CLTC: variants seen among roughly 807,000 people sequenced by gnomAD.
The protein encoded by CLTC is clathrin heavy chain 1.
Under a neutral mutation model 195.8 loss-of-function variants are expected in CLTC, and 16 were observed. That is an observed-to-expected ratio of 0.08 (90% CI 0.06 to 0.12). The LOEUF (loss-of-function observed/expected upper bound fraction) is 0.12, where lower values mean the gene tolerates loss of function less well. CLTC is among the 10% of genes least tolerant of loss of function. The pLI is 1.00. For missense variants in CLTC, 796 were observed against 2,027.0 expected (o/e 0.39, Z 11.66); for synonymous variants, 667 against 689.4 (o/e 0.97, Z 0.51).
Position 59,681,061 on chromosome 17 carries a change from T to G in CLTC, c.3065+4T>G. The G allele has an allele frequency of 6.2e-7, 1 of 1,613,644 alleles. No individual in the cohort carries two copies. Among genetic ancestry groups the G allele is most frequent in the Non-Finnish European group, 8.5e-7 (1 of 1,179,742 alleles). ...ACTCTGTATTCAGTGAACACAGGTA[T>G]GCTTTCAGAGGGATCCATTGGCTAT... On this transcript the variant is annotated splice_donor_region_variant and intron_variant, in intron 19 of 31. Coordinates refer to ENST00000269122, the MANE Select transcript of CLTC (RefSeq NM_004859.4). This position sits in a 1 kb window ranked among gnomAD's most constrained non-coding sequence, Gnocchi z 5.0.
chr17:59,628,474 C>G (rs1339546000), intron 1 of CLTC, among the ~76,000 whole-genome samples: 1 of 152,100 alleles, frequency 6.6e-6, no homozygotes, highest in Non-Finnish European at 1.5e-5. Flanking sequence ...AATATATGTG[C>G]CGTACTAAAG....
At chr17:59,641,767 G>A (rs1228917697) in intron 1 of CLTC, among the ~76,000 whole-genome samples, 1 of 152,074 alleles carries the variant, frequency 6.6e-6, no homozygotes, top group Non-Finnish European at 1.5e-5. Context: ...GGTAGCATAT[G>A]TTTAATGAGA....
chr17:59,672,547 G>C (rs2032873345), intron 14 of CLTC, among the ~76,000 whole-genome samples: 1 of 152,128 alleles, frequency 6.6e-6, no homozygotes, highest in Non-Finnish European at 1.5e-5. Flanking sequence ...ACAGCTATTA[G>C]TGCAGAGTTT....
chr17:59,689,327 T>C (rs2033247965), intron 30 of CLTC: 1 of 152,184 alleles, frequency 6.6e-6, no homozygotes, highest in South Asian at 2.1e-4. Flanking sequence ...ATGTGAAGAC[T>C]GAAAGATACT....
rs1350358889 is a variant in CLTC at position 59,644,498 on chromosome 17, G to T, written c.250+15G>T. The T allele has an allele frequency of 6.3e-6, 10 of 1,597,290 alleles. No individual in the cohort carries two copies. Among genetic ancestry groups the T allele is most frequent in the South Asian group, 1.1e-5 (1 of 90,226 alleles). On this transcript the variant is annotated intron_variant, in intron 2 of 31. Transcript: ENST00000269122. Reference sequence around the variant, plus strand: ...TGCACTGAAAGGTATAAAAGAATGTGGGTTTTCCTTAAAACTCTTCCTATG... The same window carrying T: ...TGCACTGAAAGGTATAAAAGAATGTTGGTTTTCCTTAAAACTCTTCCTATG...
intron 1 of CLTC, among the ~76,000 whole-genome samples, chr17:59,624,122 A>C (rs976080766): frequency 5.9e-5 from 9 of 152,184 alleles, no homozygotes; most frequent in African/African-American, 1.4e-4. Context: ...ATGTGCTGTA[A>C]ATTTGGCTAG....
intron 18 of CLTC, among the ~76,000 whole-genome samples, chr17:59,680,169 A>G (rs928043711): frequency 1.3e-5 from 2 of 152,338 alleles, no homozygotes; most frequent in African/African-American, 2.4e-5. Context: ...AAAGATTGCT[A>G]TTATTAACAC....
At chr17:59,624,154 A>G (rs77164489) in intron 1 of CLTC, among the ~76,000 whole-genome samples, 33 of 152,284 alleles carry the variant, frequency 2.2e-4, no homozygotes, top group East Asian at 5.8e-4. Flanking sequence ...TCTTCACTCA[A>G]TCCCCCCAGA....
rs902662582 is a variant in CLTC at position 59,693,946 on chromosome 17, T to G, written c.*94T>G. ...ATAATGGGGGAAAACAGGCAACGTGTTCTTGTAACCTTTATTTCATGAAGG... is the reference window on the plus strand; with the variant it reads ...ATAATGGGGGAAAACAGGCAACGTGGTCTTGTAACCTTTATTTCATGAAGG... On this transcript the variant is annotated 3_prime_UTR_variant, in exon 32 of 32. Coordinates refer to ENST00000269122, the MANE Select transcript of CLTC (RefSeq NM_004859.4). 1.5e-6 allele frequency: 2 copies of G among 1,322,592 alleles called. No homozygotes were observed. Among genetic ancestry groups the G allele is most frequent in the East Asian group, 5.3e-5 (2 of 37,464 alleles). The allele number at this position is 1,322,592 out of a possible 1,614,324, so 81.9% of individuals were successfully genotyped here. A position where few individuals can be genotyped will look rare whatever the true frequency, so the allele number is the denominator to read the frequency against.
At chr17:59,661,672 G>T in intron 8 of CLTC, 29 bp downstream of exon 8, 1 of 1,587,368 alleles carries the variant, frequency 6.3e-7, no homozygotes, top group Non-Finnish European at 8.6e-7. Context: ...ACATAATCTT[G>T]CTTTGGTTGC....
At chr17:59,639,782 A>C (rs2031975339) in intron 1 of CLTC, among the ~76,000 whole-genome samples, 2 of 145,330 alleles carry the variant, frequency 1.4e-5, no homozygotes, top group Admixed American at 7.1e-5. Flanking sequence ...AGCCTGGGTA[A>C]CATAGGGAGA....
Position 59,682,926 on chromosome 17 carries a change from A to G in CLTC, c.3785A>G (p.Asp1262Gly). The change falls in exon 24 of 32, where the codon GAT becomes GGT. Residue 1262 changes from aspartate (D) to glycine (G), a missense_variant. Coordinates refer to ENST00000269122, the MANE Select transcript of CLTC (RefSeq NM_004859.4). The surrounding 1 kb of genome is among the most constrained non-coding windows in gnomAD (Gnocchi z 6.8). ...TTCTAGGTCTGCTTCGCCTGTGTAG[A>G]TGGGAAAGAATTCCGTCTTGCTCAG... Reference protein sequence around the residue: ...TWKEVCFACVDGKEFRLAQMC... With the variant: ...TWKEVCFACVGGKEFRLAQMC... 1.9e-6 allele frequency: 3 copies of G among 1,614,060 alleles called. No homozygotes were observed. Among genetic ancestry groups the G allele is most frequent in the Non-Finnish European group, 2.5e-6 (3 of 1,179,976 alleles).
rs2032258508 is a variant in CLTC at position 59,648,793 on chromosome 17, T to C, written c.681+392T>C. ...TCACTGCAGCCTCGACCTTCTGGGC[T>C]CAAGTGATCCCTCTGTCTCAGCCTC... On this transcript the variant is annotated intron_variant, in intron 4 of 31. Coordinates refer to ENST00000269122, the MANE Select transcript of CLTC (RefSeq NM_004859.4). The surrounding 1 kb of genome is among the most constrained non-coding windows in gnomAD (Gnocchi z 4.5). 1 of 160,036 alleles carries C rather than the reference T, an allele frequency of 6.2e-6. No homozygotes were observed. The highest frequency in any genetic ancestry group is 6.2e-5 in the Admixed American group (1 of 16,236). 9.9% of individuals were successfully genotyped at this position (160,036 alleles called of 1,614,324 possible).
rs1390248582 is a variant in CLTC at position 59,660,548 on chromosome 17, A to C, written c.1127A>C (p.Asn376Thr). Residue 376 changes from asparagine (N) to threonine (T), a missense_variant, in exon 7 of 32, where the codon AAT (asparagine) becomes ACT (threonine). Around this residue, in one of 9 missense-constraint regions of CLTC, gnomAD observed 293 missense variants for 795.6 expected, o/e 0.37. Coordinates refer to ENST00000269122, the MANE Select transcript of CLTC (RefSeq NM_004859.4). ...RKFNALFAQGNYSEAAKVAAN... is the reference protein window; with the variant it reads ...RKFNALFAQGTYSEAAKVAAN... ...TTTAATGCTCTTTTTGCCCAGGGAA[A>C]TTACTCGGAGGCAGCAAAGGTGGCT... 3 of 1,614,174 alleles carry C rather than the reference A, an allele frequency of 1.9e-6. No individual in the cohort carries two copies. In the Admixed American group the frequency reaches 5.0e-5, roughly 27 times the overall value.
intron 1 of CLTC, among the ~76,000 whole-genome samples, chr17:59,636,942 T>C (rs972209371): frequency 7.4e-5 from 11 of 148,726 alleles, no homozygotes; most frequent in African/African-American, 2.7e-4. Context: ...CTTTTTTTTT[T>C]TTTTTTTTTT....
At chr17:59,634,729 T>A (rs1410754866) in intron 1 of CLTC, among the ~76,000 whole-genome samples, 1 of 152,226 alleles carries the variant, frequency 6.6e-6, no homozygotes, top group East Asian at 1.9e-4. Context: ...CATTTTTATT[T>A]GTTGCTTGAA....
At chr17:59,676,308 C>G (rs1383220399) in intron 16 of CLTC, among the ~76,000 whole-genome samples, 1 of 152,192 alleles carries the variant, frequency 6.6e-6, no homozygotes, top group Non-Finnish European at 1.5e-5. Context: ...CTATTAAACC[C>G]AGAGCTTCTA....
At position 59,681,615 on chromosome 17, in the gene CLTC, C is replaced by T. The variant is rs1223622047; in HGVS notation, c.3250-32C>T. 10 of 1,592,010 alleles carry T rather than the reference C, an allele frequency of 6.3e-6. No homozygotes were observed. The highest frequency in any genetic ancestry group is 8.6e-6 in the Non-Finnish European group (10 of 1,165,612). ...ATTGCTTTGGGTAGGATTGATTTTA[C>T]TCTAACCCTAATTTCAAACTTGGAT... On this transcript the variant is annotated intron_variant, in intron 20 of 31. Transcript: ENST00000269122. This position sits in a 1 kb window ranked among gnomAD's most constrained non-coding sequence, Gnocchi z 5.0.
rs552058632 is a variant in CLTC, at chr17:59,692,050, G to A, written c.4903+1339G>A. On this transcript the variant is annotated intron_variant, in intron 31 of 31. Transcript: ENST00000269122. ...CTGGTTTCTGTTGGCTGGGTGCAGT[G>A]GCTCACGCCTGTAATCCCAGCACTT... Among the ~76,000 whole-genome samples, 6 of 152,292 alleles carry A rather than the reference G, an allele frequency of 3.9e-5. No homozygotes were observed. The South Asian group carries it at 1.0e-3, about 26-fold the overall frequency.
Sources: allele counts gnomAD v4.1 joint callset (sites outside exome capture counted in the v4.1 genomes callset), GRCh38; gene constraint gnomAD v4.1.1; regional missense constraint gnomAD v4.1.1; non-coding constraint Gnocchi (gnomAD v3.1); transcripts MANE v1.5; gene names NCBI Gene and HGNC (gene_info 2026-07-23, HGNC 2026-07-21).